Variants in STXBP5L observed in about 807,000 individuals in gnomAD.
The protein encoded by STXBP5L is syntaxin binding protein 5L, also known as syntaxin-binding protein 5-like.
A neutral mutation model predicts 144.5 loss-of-function variants in STXBP5L; 65 were observed. That is an observed-to-expected ratio of 0.45 (90% CI 0.37 to 0.55). The LOEUF (loss-of-function observed/expected upper bound fraction) is 0.55. Ranked by LOEUF, STXBP5L falls within the 20% of genes least tolerant of loss-of-function variation. The pLI is 0.00. For synonymous variants in STXBP5L, 505 were observed against 469.6 expected, an observed-to-expected ratio of 1.08 and a Z score of -0.97; for missense variants, 1,298 against 1,405.5, an observed-to-expected ratio of 0.92 and a Z score of 1.22.
chr3:121,211,718 A>G (rs2048576476), intron 10 of STXBP5L, among the ~76,000 whole-genome samples: 1 of 151,742 alleles, frequency 6.6e-6, no homozygotes, highest in South Asian at 2.1e-4. Context: ...AACTGTGACT[A>G]CAGGCATGTG....
chr3:121,112,730 A>G (rs2107819202), intron 5 of STXBP5L, among the ~76,000 whole-genome samples: 1 of 152,246 alleles, frequency 6.6e-6, no homozygotes, highest in Non-Finnish European at 1.5e-5. Flanking sequence ...TAATATTGAT[A>G]TAGGAATAAG....
At chr3:121,159,689 G>C (rs1188107736) in intron 9 of STXBP5L, among the ~76,000 whole-genome samples, 2 of 149,564 alleles carry the variant, frequency 1.3e-5, no homozygotes, top group Non-Finnish European at 3.0e-5. Flanking sequence ...GACTGCAGTG[G>C]CGCTGTCTTG....
In STXBP5L at chr3:121,005,814, G is replaced by C. The variant is rs565302280; in HGVS notation, c.288-35886G>C. 2.6e-5 allele frequency among the ~76,000 whole-genome samples: 4 copies of C among 152,326 alleles called. No individual in the cohort carries two copies. The South Asian group carries it at 8.3e-4, about 32-fold the overall frequency. ...CTGCCTTCTTTTCGTCATGTACCCA[G>C]TAGTCATTCAGGAGCAGGTTGTTCA... On this transcript the variant is annotated intron_variant, in intron 3 of 26. Coordinates refer to ENST00000471454, the MANE Select transcript of STXBP5L (RefSeq NM_001308330.2).
intron 3 of STXBP5L, among the ~76,000 whole-genome samples, chr3:121,037,109 A>G (rs1463836914): frequency 6.6e-6 from 1 of 151,552 alleles, no homozygotes; most frequent in Non-Finnish European, 1.5e-5. Context: ...CAAAAATCTT[A>G]TCTGTAGAGA....
At chr3:121,313,287 G>A (rs2043619873) in intron 19 of STXBP5L, among the ~76,000 whole-genome samples, 1 of 143,150 alleles carries the variant, frequency 7.0e-6, no homozygotes, top group Non-Finnish European at 1.5e-5. Context: ...CCCAGTAGGG[G>A]CGGCTGGGCA....
intron 3 of STXBP5L, among the ~76,000 whole-genome samples, chr3:120,955,900 T>G (rs993155103): frequency 6.6e-6 from 1 of 152,040 alleles, no homozygotes; most frequent in African/African-American, 2.4e-5. Context: ...GTTTATAATT[T>G]TTGGCGATTG....
intron 6 of STXBP5L, among the ~76,000 whole-genome samples, 197 bp downstream of exon 6, chr3:121,115,256 A>T (rs776407328): frequency 6.6e-6 from 1 of 152,166 alleles, no homozygotes; most frequent in Non-Finnish European, 1.5e-5. Flanking sequence ...TCCAAATACC[A>T]TAAATAATTA....
chr3:121,036,095 G>A (rs1199641486), intron 3 of STXBP5L, among the ~76,000 whole-genome samples: 2 of 152,048 alleles, frequency 1.3e-5, no homozygotes, highest in Non-Finnish European at 2.9e-5. Context: ...CACTTTGGGC[G>A]GCTGAGGTGG....
At chr3:121,016,709 A>G (rs1945172111) in intron 3 of STXBP5L, among the ~76,000 whole-genome samples, 1 of 152,198 alleles carries the variant, frequency 6.6e-6, no homozygotes, top group Non-Finnish European at 1.5e-5. Flanking sequence ...TGATCTTTGA[A>G]AGACATAATG....
chr3:120,972,448 A>G (rs1010160290), intron 3 of STXBP5L, among the ~76,000 whole-genome samples: 4 of 152,148 alleles, frequency 2.6e-5, no homozygotes, highest in Admixed American at 2.6e-4. Context: ...GAATTCATCT[A>G]TCAAATCTAG....
chr3:121,178,396 G>T (rs2047017047), intron 9 of STXBP5L, among the ~76,000 whole-genome samples: 1 of 152,092 alleles, frequency 6.6e-6, no homozygotes, highest in South Asian at 2.1e-4. Context: ...TACATCTGTT[G>T]AAATACATAT....
At chr3:121,126,305 A>G (rs1013313100) in intron 7 of STXBP5L, among the ~76,000 whole-genome samples, 2 of 152,170 alleles carry the variant, frequency 1.3e-5, no homozygotes, top group African/African-American at 4.8e-5. Flanking sequence ...TTCTTGCTGT[A>G]AGAGTAAAGC....
intron 5 of STXBP5L, among the ~76,000 whole-genome samples, chr3:121,093,198 A>G (rs1354732813): frequency 6.6e-6 from 1 of 152,202 alleles, no homozygotes; most frequent in East Asian, 1.9e-4. Context: ...GGATTTTTGC[A>G]TCAATGTTCA....
At chr3:120,967,190 C>T (rs1385106160) in intron 3 of STXBP5L, among the ~76,000 whole-genome samples, 1 of 152,062 alleles carries the variant, frequency 6.6e-6, no homozygotes, top group African/African-American at 2.4e-5. Flanking sequence ...TCCTGTTTTT[C>T]CATGTAGTCT....
intron 2 of STXBP5L, among the ~76,000 whole-genome samples, chr3:120,931,148 T>G (rs1206677306): frequency 6.6e-6 from 1 of 152,000 alleles, no homozygotes; most frequent in Admixed American, 6.6e-5. Context: ...GGAGGGCTTG[T>G]TACAGGATTT....
chr3:121,309,411 C>T (rs190197805), intron 19 of STXBP5L, among the ~76,000 whole-genome samples: 13 of 151,582 alleles, frequency 8.6e-5, no homozygotes, highest in Admixed American at 8.5e-4. Flanking sequence ...AAAAAGTGAC[C>T]TTTTATAATG....
At chr3:121,227,692 T>A (rs941791367) in intron 11 of STXBP5L, among the ~76,000 whole-genome samples, 1 of 152,184 alleles carries the variant, frequency 6.6e-6, no homozygotes, top group Non-Finnish European at 1.5e-5. Flanking sequence ...AGAACAATCA[T>A]AGCCAAAGAT....
At chr3:121,413,072 T>C in intron 23 of STXBP5L, 86 bp from the exon 24 acceptor site, 1 of 1,056,512 alleles carries the variant, frequency 9.5e-7, no homozygotes, top group South Asian at 2.7e-5. Context: ...AACCATAAAA[T>C]AATAGAATAA....
rs747147648 is a variant in STXBP5L, at chr3:121,418,319, T to G, written c.3227-18T>G. The G allele has an allele frequency of 6.2e-7, 1 of 1,606,296 alleles. No homozygotes were observed. Among genetic ancestry groups the G allele is most frequent in the Non-Finnish European group, 8.5e-7 (1 of 1,175,654 alleles). ...TTACTGACAAAATGTTTTAAATTGCTATTGCATATATTCTCAGTTGGGGAA... is the reference window on the plus strand; with the variant it reads ...TTACTGACAAAATGTTTTAAATTGCGATTGCATATATTCTCAGTTGGGGAA... On this transcript the variant is annotated intron_variant, in intron 25 of 26. Transcript: ENST00000471454.
Sources: allele counts gnomAD v4.1 joint callset (sites outside exome capture counted in the v4.1 genomes callset), GRCh38; gene constraint gnomAD v4.1.1; transcripts MANE v1.5; gene names NCBI Gene and HGNC (gene_info 2026-07-23, HGNC 2026-07-21).